The following PCDH15 variants were observed in gnomAD, a reference collection of about 807,000 sequenced individuals.
PCDH15 encodes the protein protocadherin-15.
A neutral mutation model predicts 178.5 loss-of-function variants in PCDH15; 129 were observed. The observed-to-expected ratio is 0.72, with a 90% CI of 0.63 to 0.84. The LOEUF (loss-of-function observed/expected upper bound fraction) is 0.84. PCDH15 is among the 40% of genes least tolerant of loss of function. PCDH15 has a pLI of 0.00. For synonymous variants in PCDH15, 800 were observed against 732.0 expected, an observed-to-expected ratio of 1.09 and a Z score of -1.50; for missense variants, 2,230 against 2,099.9, an observed-to-expected ratio of 1.06 and a Z score of -1.21.
intron 2 of PCDH15, among the ~76,000 whole-genome samples, chr10:55,414,801 G>C (rs905540564): frequency 2.1e-5 from 3 of 143,706 alleles, no homozygotes; most frequent in Non-Finnish European, 4.6e-5. Context: ...GTGTGTGTGT[G>C]TGTCTGTGTG....
intron 2 of PCDH15, among the ~76,000 whole-genome samples, chr10:55,432,578 T>G (rs983627761): frequency 1.3e-5 from 2 of 152,064 alleles, no homozygotes; most frequent in African/African-American, 4.8e-5. Context: ...TTAGATTGAT[T>G]CTGGGTATAA....
chr10:55,432,449 C>G lies in PCDH15; in HGVS notation c.-156+195176G>C, dbSNP rs191530768. 2.5e-3 allele frequency among the ~76,000 whole-genome samples: 376 copies of G among 152,182 alleles called. 1 individual carries two copies. Among genetic ancestry groups the G allele is most frequent in the Admixed American group, 4.3e-3 (66 of 15,282 alleles). ...ACACTTCAAGAAACCACTTTGGTAGCTGTTGAAAATGGGTTATTGGAAGGC... is the reference window on the plus strand; with the variant it reads ...ACACTTCAAGAAACCACTTTGGTAGGTGTTGAAAATGGGTTATTGGAAGGC... On this transcript the variant is annotated intron_variant, in intron 2 of 5. Coordinates refer to the PCDH15 transcript ENST00000613346.
At chr10:55,114,106 G>A (rs1300516856) in intron 2 of PCDH15, among the ~76,000 whole-genome samples, 1 of 151,920 alleles carries the variant, frequency 6.6e-6, no homozygotes, top group South Asian at 2.1e-4. Context: ...CCGCCACCAC[G>A]CCCGGCTAAT....
rs1178030804 is a variant in PCDH15, at chr10:53,822,257, A to C, written c.4368-2027T>G. 6.2e-7 allele frequency: 1 copy of C among 1,613,932 alleles called. No homozygotes were observed. Among genetic ancestry groups the C allele is most frequent in the Non-Finnish European group, 8.5e-7 (1 of 1,179,944 alleles). On this transcript the variant is annotated intron_variant, in intron 32 of 37. Transcript: ENST00000644397. ...AAGGAGGTGGAGGGCAAGGAATAGA[A>C]GGAGGTGGTGGAGGAAGAGGAGTTG...
intron 10 of PCDH15, among the ~76,000 whole-genome samples, chr10:54,198,300 A>C (rs1375709308): frequency 6.6e-6 from 1 of 152,148 alleles, no homozygotes; most frequent in East Asian, 1.9e-4. Flanking sequence ...CTACGCCTGG[A>C]AAACATTGTT....
intron 2 of PCDH15, among the ~76,000 whole-genome samples, chr10:55,476,222 C>T (rs1445026054): frequency 6.6e-6 from 1 of 151,742 alleles, no homozygotes; most frequent in African/African-American, 2.4e-5. Context: ...CTTCAGAGGG[C>T]CCCGGGCACT....
At chr10:55,207,191 G>C (rs1840426200) in intron 1 of PCDH15, among the ~76,000 whole-genome samples, 1 of 151,966 alleles carries the variant, frequency 6.6e-6, no homozygotes, top group Non-Finnish European at 1.5e-5. Flanking sequence ...ACAACATGAT[G>C]AATTTGCTTA....
chr10:54,813,926 A>C (rs943737604), intron 3 of PCDH15, among the ~76,000 whole-genome samples: 15 of 152,150 alleles, frequency 9.9e-5, no homozygotes, highest in African/African-American at 3.6e-4. Flanking sequence ...GTCTACCTAC[A>C]TTTTAGTGAT....
chr10:54,739,132 T>C (rs1944468247), intron 1 of PCDH15, among the ~76,000 whole-genome samples: 1 of 151,980 alleles, frequency 6.6e-6, no homozygotes, highest in Non-Finnish European at 1.5e-5. Context: ...TTTTTGCAGA[T>C]GATATGATCT....
rs1037542013 is a variant in PCDH15, at chr10:54,423,959, G to A, written c.158-45017C>T. ...CATTCAGGACATAGGCATGGGCAAG[G>A]ACTTCATGTCTAAAGCACCAAAAGC... is the stretch of plus-strand genomic sequence containing the variant. On this transcript the variant is annotated intron_variant, in intron 3 of 37. Transcript: ENST00000644397. Among the ~76,000 whole-genome samples the A allele has an allele frequency of 3.0e-4, 45 of 151,946 alleles. 1 individual carries two copies. Among genetic ancestry groups the A allele is most frequent in the Non-Finnish European group, 6.3e-4 (43 of 68,030 alleles).
chr10:54,555,114 A>T (rs528740366), intron 2 of PCDH15, among the ~76,000 whole-genome samples: 1 of 152,298 alleles, frequency 6.6e-6, no homozygotes, highest in East Asian at 1.9e-4. Context: ...GGGGTCATTA[A>T]TTCCCTGATG....
chr10:55,275,187 C>T (rs1401771705), intron 1 of PCDH15, among the ~76,000 whole-genome samples: 1 of 151,930 alleles, frequency 6.6e-6, no homozygotes. Context: ...GGTATTTTTT[C>T]AAATTTATTC....
chr10:53,841,323 G>A (rs1173569748), intron 28 of PCDH15, among the ~76,000 whole-genome samples: 1 of 151,978 alleles, frequency 6.6e-6, no homozygotes, highest in African/African-American at 2.4e-5. Context: ...TACTATATAT[G>A]ATAAATATTC....
intron 2 of PCDH15, among the ~76,000 whole-genome samples, chr10:55,476,732 G>A (rs548977963): frequency 2.0e-5 from 3 of 152,040 alleles, no homozygotes; most frequent in African/African-American, 7.2e-5. Context: ...TATGCTTAAT[G>A]CTTACTTATC....
At chr10:55,539,004 C>CTT (rs1417401151) in intron 2 of PCDH15, among the ~76,000 whole-genome samples, 13 of 134,832 alleles carry the variant, frequency 9.6e-5, no homozygotes, top group East Asian at 4.6e-4. Flanking sequence ...CCTTTCCTTC[C>CTT]CTCCTCCTTT....
intron 8 of PCDH15, among the ~76,000 whole-genome samples, chr10:54,280,909 C>G (rs1333175017): frequency 6.6e-6 from 1 of 151,720 alleles, no homozygotes; most frequent in Admixed American, 6.6e-5. Flanking sequence ...TATCTTAATA[C>G]AACTCTCAAA....
intron 15 of PCDH15, among the ~76,000 whole-genome samples, chr10:54,118,394 C>T (rs371899292): frequency 2.0e-5 from 3 of 152,174 alleles, no homozygotes; most frequent in Non-Finnish European, 4.4e-5. Context: ...GGTGTGGTGG[C>T]TCACGCCTGT....
At chr10:55,563,064 CAGCTTGCCTCT>C (rs1842231807) in intron 2 of PCDH15, among the ~76,000 whole-genome samples, 2 of 151,968 alleles carry the variant, frequency 1.3e-5, no homozygotes, top group Admixed American at 6.6e-5. Flanking sequence ...ATTTCTGCTG[CAGCTTGCCTCT>C]AGCTTGCAAA....
chr10:53,997,923 AAGCAGCTAGT>A (rs1487664861), intron 20 of PCDH15, among the ~76,000 whole-genome samples: 1 of 152,206 alleles, frequency 6.6e-6, no homozygotes, highest in African/African-American at 2.4e-5. Context: ...GTGGTTACAA[AAGCAGCTAGT>A]TGCATATAGT....
Sources: allele counts gnomAD v4.1 joint callset (sites outside exome capture counted in the v4.1 genomes callset), GRCh38; gene constraint gnomAD v4.1.1; transcripts MANE v1.5; gene names NCBI Gene and HGNC (gene_info 2026-07-23, HGNC 2026-07-21).